FAM124A: variants seen among roughly 807,000 people sequenced by gnomAD.
The protein encoded by FAM124A is protein FAM124A.
In FAM124A, 23 loss-of-function variants were observed where a neutral mutation model predicts 24.5. The observed-to-expected ratio is 0.94, with a 90% CI of 0.68 to 1.33. FAM124A has a LOEUF of 1.33. Ranked by LOEUF, FAM124A falls within the 40% of genes most tolerant of loss-of-function variation. The pLI is 0.00. For missense variants in FAM124A, 623 were observed against 722.8 expected, an observed-to-expected ratio of 0.86 and a Z score of 1.58; for synonymous variants, 287 against 314.7, an observed-to-expected ratio of 0.91 and a Z score of 0.93.
At chr13:51,267,724 G>C (rs1255375262) in intron 3 of FAM124A, among the ~76,000 whole-genome samples, 1 of 151,748 alleles carries the variant, frequency 6.6e-6, no homozygotes, top group African/African-American at 2.4e-5. Context: ...GATGCTCTGA[G>C]TATAAGGGTT....
intron 2 of FAM124A, among the ~76,000 whole-genome samples, chr13:51,239,432 T>C (rs1429946779): frequency 6.6e-6 from 1 of 152,250 alleles, no homozygotes; most frequent in African/African-American, 2.4e-5. Flanking sequence ...TTTTGTTTTA[T>C]AGTCTAATTT....
chr13:51,231,678 A>G (rs1362299292), intron 2 of FAM124A, among the ~76,000 whole-genome samples: 1 of 152,180 alleles, frequency 6.6e-6, no homozygotes, highest in East Asian at 1.9e-4. Context: ...AACATCTATC[A>G]GATACCTGCT....
At chr13:51,225,976 CTTTTTTTTTTTTTTTTTTTTTTTTT>C (rs780570797) in intron 1 of FAM124A, among the ~76,000 whole-genome samples, 2 of 67,566 alleles carry the variant, frequency 3.0e-5, no homozygotes, top group South Asian at 1.5e-3. Context: ...TGCTTGCTTT[CTTTTTTTTTTTTTTTTTTTTTTTTT>C]TTTTTTTTTT....
At chr13:51,236,206 T>G (rs974558999) in intron 2 of FAM124A, among the ~76,000 whole-genome samples, 1 of 152,194 alleles carries the variant, frequency 6.6e-6, no homozygotes, top group Non-Finnish European at 1.5e-5. Flanking sequence ...CACAGGTGTT[T>G]TTCAAATAGG....
chr13:51,259,009 C>T (rs1390375838), intron 3 of FAM124A, among the ~76,000 whole-genome samples: 2 of 152,154 alleles, frequency 1.3e-5, no homozygotes, highest in East Asian at 1.9e-4. Context: ...GTCAGGGTTC[C>T]GAGCTGCATC....
Position 51,280,821 on chromosome 13 carries a change from C to T in FAM124A, c.1206C>T (p.Ser402=). 5 of 1,614,112 alleles carry T rather than the reference C, an allele frequency of 3.1e-6. No homozygotes were observed. Among genetic ancestry groups the T allele is most frequent in the Non-Finnish European group, 4.2e-6 (5 of 1,180,028 alleles). The change falls in exon 4 of 4, where the codon TCC becomes TCT. Residue 402 remains serine (S), a synonymous_variant. Transcript: ENST00000322475. ...ASEWRHGHLL[S]IDDLEGAQET... is the part of the protein sequence containing the mutation. ...AGTGGAGGCATGGCCACCTCCTCTCCATCGATGACCTAGAGGGGGCCCAGG... is the reference window on the plus strand; with the variant it reads ...AGTGGAGGCATGGCCACCTCCTCTCTATCGATGACCTAGAGGGGGCCCAGG...
At chr13:51,244,329 A>T (rs972371539) in intron 2 of FAM124A, among the ~76,000 whole-genome samples, 3 of 152,210 alleles carry the variant, frequency 2.0e-5, no homozygotes, top group African/African-American at 7.2e-5. Context: ...CTCCCTCACT[A>T]GATTATAAGC....
chr13:51,274,578 C>CA (rs1954868409), intron 3 of FAM124A, among the ~76,000 whole-genome samples: 1 of 152,114 alleles, frequency 6.6e-6, no homozygotes, highest in South Asian at 2.1e-4. Context: ...CCAAAAATAT[C>CA]AGAGTCCTCA....
chr13:51,237,015 C>A (rs75838115), intron 2 of FAM124A, among the ~76,000 whole-genome samples: 1,548 of 152,264 alleles, frequency 0.01, 22 homozygotes, highest in East Asian at 0.065. Context: ...ATGGAGTTGG[C>A]AGTGTTCACA....
chr13:51,254,132 T>G (rs1954653133), intron 3 of FAM124A, among the ~76,000 whole-genome samples: 1 of 152,192 alleles, frequency 6.6e-6, no homozygotes, highest in Non-Finnish European at 1.5e-5. Flanking sequence ...AGTGAACCTT[T>G]CTATCCACAT....
At chr13:51,273,621 A>G (rs1255592269) in intron 3 of FAM124A, among the ~76,000 whole-genome samples, 1 of 152,178 alleles carries the variant, frequency 6.6e-6, no homozygotes, top group Non-Finnish European at 1.5e-5. Context: ...GTAATTAGCT[A>G]AAGTTCAGTC....
At chr13:51,259,488 G>A (rs1352982977) in intron 3 of FAM124A, among the ~76,000 whole-genome samples, 2 of 151,602 alleles carry the variant, frequency 1.3e-5, no homozygotes, top group African/African-American at 4.9e-5. Flanking sequence ...CCCCTTCCCC[G>A]CCGCCTGATC....
At chr13:51,275,732 G>A (rs577991661) in intron 3 of FAM124A, among the ~76,000 whole-genome samples, 16 of 152,316 alleles carry the variant, frequency 1.1e-4, no homozygotes, top group African/African-American at 3.8e-4. Flanking sequence ...GCCAAATGCT[G>A]GTGAGGACGT....
Position 51,280,680 on chromosome 13 carries a change from G to C in FAM124A, c.1065G>C (p.Trp355Cys). Residue 355 changes from tryptophan (W) to cysteine (C), a missense_variant, in exon 4 of 4, where the codon TGG becomes TGC. Trp to Cys is a radical substitution (Grantham distance 215). Transcript: ENST00000322475. ...GRANSTPNPP[W>C]SFQRSKSLFC... ...CCAACAGCACCCCCAACCCTCCCTG[G>C]TCTTTCCAGAGAAGCAAGTCCTTGT... The C allele has an allele frequency of 6.2e-7, 1 of 1,614,120 alleles. No individual in the cohort carries two copies.
rs971891532 is a variant in FAM124A, at chr13:51,252,057, C to T, written c.690C>T (p.Cys230=). The T allele has an allele frequency of 6.2e-7, 1 of 1,613,998 alleles. No homozygotes were observed. The highest frequency in any genetic ancestry group is 1.3e-5 in the African/African-American group (1 of 74,932). ...FSLKRLPCDQ[C]PVPTDSSVLE... ...TGAAAAGACTGCCCTGTGACCAGTGCCCGGTGCCCACCGACTCCTCCGTGC... is the reference window on the plus strand; with the variant it reads ...TGAAAAGACTGCCCTGTGACCAGTGTCCGGTGCCCACCGACTCCTCCGTGC... The change falls in exon 3 of 4, where the codon TGC becomes TGT. Residue 230 remains cysteine, a synonymous_variant. Coordinates refer to ENST00000322475, the MANE Select transcript of FAM124A (RefSeq NM_001242312.2).
chr13:51,249,738 G>A (rs1324238036), intron 2 of FAM124A, among the ~76,000 whole-genome samples: 5 of 152,086 alleles, frequency 3.3e-5, no homozygotes, highest in African/African-American at 9.7e-5. Flanking sequence ...TTACTATTCC[G>A]TTGTATTCCT....
Position 51,251,596 on chromosome 13 carries a change from C to T in FAM124A, c.229C>T (p.Pro77Ser), listed in dbSNP as rs888348085. Residue 77 changes from proline (P) to serine (S), a missense_variant, in exon 3 of 4, where the codon CCG becomes TCG. By Grantham distance (74) the Pro-to-Ser change is moderately conservative. Transcript: ENST00000322475. This position sits in a 1 kb window ranked among gnomAD's most constrained non-coding sequence, Gnocchi z 5.3. The part of the protein sequence containing the change: ...NVLAWIHPDL[P>S]LFRVSERRAS... ...CCTGGCGTGGATCCACCCCGACCTC[C>T]CGCTGTTCCGGGTGTCCGAGAGGCG... 1 of 1,569,360 alleles carries T rather than the reference C, an allele frequency of 6.4e-7. No homozygotes were observed. Among genetic ancestry groups the T allele is most frequent in the Non-Finnish European group, 8.7e-7 (1 of 1,155,214 alleles).
chr13:51,262,087 A>G (rs756659144), intron 3 of FAM124A, among the ~76,000 whole-genome samples: 2 of 152,220 alleles, frequency 1.3e-5, no homozygotes, highest in Non-Finnish European at 2.9e-5. Context: ...AGCATAGCCA[A>G]TGCCTGCTGG....
intron 1 of FAM124A, chr13:51,227,361 GT>G (rs916474616): frequency 3.0e-4 from 45 of 152,352 alleles, no homozygotes; most frequent in African/African-American, 1.1e-3. Context: ...TGTCTGATCT[GT>G]AATTAATTCT....
Sources: allele counts gnomAD v4.1 joint callset (sites outside exome capture counted in the v4.1 genomes callset), GRCh38; gene constraint gnomAD v4.1.1; non-coding constraint Gnocchi (gnomAD v3.1); transcripts MANE v1.5; gene names NCBI Gene and HGNC (gene_info 2026-07-23, HGNC 2026-07-21).